SEC24B: variants seen among roughly 807,000 people sequenced by gnomAD.
The protein encoded by SEC24B is protein transport protein Sec24B.
A neutral mutation model predicts 142.8 loss-of-function variants in SEC24B; 45 were observed. That is an observed-to-expected ratio of 0.32 (90% CI 0.25 to 0.40). The LOEUF is 0.40. Ranked by LOEUF, SEC24B falls within the 10% of genes least tolerant of loss-of-function variation. The pLI, the probability that SEC24B is intolerant of heterozygous loss-of-function variation, is 1.00. For synonymous variants in SEC24B, 574 were observed against 568.2 expected (o/e 1.01, Z -0.15); for missense variants, 1,409 against 1,526.8 (o/e 0.92, Z 1.29).
At chr4:109,444,289 A>G (rs932745116) in intron 1 of SEC24B, among the ~76,000 whole-genome samples, 7 of 152,028 alleles carry the variant, frequency 4.6e-5, no homozygotes, top group East Asian at 1.9e-4. Flanking sequence ...AAATTGTCCT[A>G]AGAAGTTTAG....
chr4:109,488,941 A>C (rs1403630954), intron 4 of SEC24B: 1 of 153,532 alleles, frequency 6.5e-6, no homozygotes, highest in Non-Finnish European at 1.5e-5. Context: ...GCCCATTTTA[A>C]ATTTGGTTAT....
At chr4:109,537,383 T>C (rs1725677602) in intron 22 of SEC24B, among the ~76,000 whole-genome samples, 2 of 152,244 alleles carry the variant, frequency 1.3e-5, no homozygotes, top group Non-Finnish European at 2.9e-5. Flanking sequence ...GGTAAATTAT[T>C]CTGCAAAGAA....
intron 4 of SEC24B, among the ~76,000 whole-genome samples, chr4:109,483,799 A>G (rs1158599315): frequency 1.3e-5 from 2 of 152,158 alleles, no homozygotes; most frequent in Admixed American, 6.5e-5. Flanking sequence ...TTTTTTTTGT[A>G]ATTTTAAATT....
intron 22 of SEC24B, among the ~76,000 whole-genome samples, chr4:109,535,548 T>A (rs1725433581): frequency 1.3e-5 from 2 of 148,296 alleles, no homozygotes; most frequent in South Asian, 4.3e-4. Flanking sequence ...AGAGCAAGAC[T>A]CCGTCTAAAA....
intron 5 of SEC24B, among the ~76,000 whole-genome samples, 197 bp from the exon 6 acceptor site, chr4:109,494,418 A>G (rs890325481): frequency 1.3e-5 from 2 of 152,232 alleles, no homozygotes; most frequent in Non-Finnish European, 2.9e-5. Flanking sequence ...ATAACAAAAT[A>G]TTGATAATTA....
intron 1 of SEC24B, among the ~76,000 whole-genome samples, chr4:109,446,585 A>G (rs189389760): frequency 6.6e-5 from 10 of 152,372 alleles, no homozygotes; most frequent in African/African-American, 2.4e-4. Context: ...TGGCAGTATC[A>G]AAACACACCT....
chr4:109,524,361 C>T (rs1723989655), intron 14 of SEC24B, among the ~76,000 whole-genome samples: 1 of 152,136 alleles, frequency 6.6e-6, no homozygotes, highest in Non-Finnish European at 1.5e-5. Context: ...GTGTCACCTT[C>T]TCAGCTCAAG....
At chr4:109,510,599 A>C (rs538498134) in intron 8 of SEC24B, among the ~76,000 whole-genome samples, 1 of 152,204 alleles carries the variant, frequency 6.6e-6, no homozygotes, top group Non-Finnish European at 1.5e-5. Flanking sequence ...CAAAGGAAAC[A>C]CCAACAGTGA....
chr4:109,527,438 T>G lies in SEC24B; in HGVS notation c.3076+6T>G. The stretch of plus-strand genomic sequence containing the variant: ...CTGCCTTCTGGCAAACATGGGTGAG[T>G]AAAAATTGAAGGAACATGTGAAATG... On this transcript the variant is annotated splice_donor_region_variant and intron_variant, in intron 18 of 23. Transcript: ENST00000265175. 6.3e-7 allele frequency: 1 copy of G among 1,579,628 alleles called. No individual in the cohort carries two copies. The highest frequency in any genetic ancestry group is 8.7e-7 in the Non-Finnish European group (1 of 1,150,668).
intron 2 of SEC24B, among the ~76,000 whole-genome samples, chr4:109,465,287 T>A (rs12643881): frequency 0.047 from 7,137 of 152,296 alleles, 187 homozygotes; most frequent in African/African-American, 0.07. Flanking sequence ...CTGGCACAGA[T>A]TGTGATATTC....
At chr4:109,493,837 C>T (rs11941636) in intron 5 of SEC24B, among the ~76,000 whole-genome samples, 7,120 of 152,116 alleles carry the variant, frequency 0.047, 185 homozygotes, top group African/African-American at 0.07. Context: ...CCTCATGATC[C>T]ACCCACCTCA....
Position 109,521,473 on chromosome 4 carries a change from AAC to A in SEC24B, c.2361_2362del (p.His787GlnfsTer12). 6.2e-7 allele frequency: 1 copy of A among 1,614,182 alleles called. No homozygotes were observed. The highest frequency in any genetic ancestry group is 8.5e-7 in the Non-Finnish European group (1 of 1,180,032). ...LPNMFTNTRETHSALGPALQA... is the reference protein window; with the variant it reads ...LPNMFTNTREXHSALGPALQA... ...CAAACATGTTCACCAATACAAGAGA[AAC>A]ACACAGTGCCCTTGGTCCTGCACTT... On this transcript the variant is annotated frameshift_variant, in exon 14 of 24. Transcript: ENST00000265175. LOFTEE classifies it high-confidence loss of function.
intron 4 of SEC24B, among the ~76,000 whole-genome samples, chr4:109,490,638 G>T (rs1321196505): frequency 6.6e-6 from 1 of 152,112 alleles, no homozygotes; most frequent in Non-Finnish European, 1.5e-5. Context: ...CATGTGACCT[G>T]TGACCACATT....
intron 1 of SEC24B, among the ~76,000 whole-genome samples, chr4:109,458,256 G>A (rs894624454): frequency 2.0e-5 from 3 of 151,856 alleles, no homozygotes; most frequent in Non-Finnish European, 4.4e-5. Context: ...CATTTCTCTC[G>A]ATATCCCTTG....
chr4:109,498,509 C>A (rs915101082), intron 6 of SEC24B, among the ~76,000 whole-genome samples: 1 of 152,074 alleles, frequency 6.6e-6, no homozygotes, highest in Non-Finnish European at 1.5e-5. Context: ...GCACTACAGG[C>A]GTGTGCCACC....
intron 1 of SEC24B, among the ~76,000 whole-genome samples, chr4:109,458,105 T>C (rs1348920750): frequency 1.3e-5 from 2 of 152,088 alleles, no homozygotes; most frequent in African/African-American, 2.4e-5. Context: ...CTTTTTTTTT[T>C]CTCTATGTTT....
chr4:109,482,789 GCA>G (rs1733861580), intron 4 of SEC24B, among the ~76,000 whole-genome samples: 1 of 149,576 alleles, frequency 6.7e-6, no homozygotes, highest in Non-Finnish European at 1.5e-5. Context: ...AGGCCACCCT[GCA>G]CAGTTAATGT....
chr4:109,513,491 T>G (rs1426804577), intron 9 of SEC24B, among the ~76,000 whole-genome samples: 3 of 148,082 alleles, frequency 2.0e-5, no homozygotes, highest in Non-Finnish European at 4.5e-5. Context: ...ACCATGTTGG[T>G]CAGGCTGTTC....
chr4:109,487,090 G>C (rs896013138), intron 4 of SEC24B, among the ~76,000 whole-genome samples: 7 of 151,098 alleles, frequency 4.6e-5, no homozygotes, highest in Non-Finnish European at 8.8e-5. Flanking sequence ...ACTTGAACCC[G>C]GGAGACAGAG....
Sources: allele counts gnomAD v4.1 joint callset (sites outside exome capture counted in the v4.1 genomes callset), GRCh38; gene constraint gnomAD v4.1.1; transcripts MANE v1.5; gene names NCBI Gene and HGNC (gene_info 2026-07-23, HGNC 2026-07-21).